Variants in ZFHX3 observed in about 807,000 individuals in gnomAD.
ZFHX3 encodes zinc finger homeobox protein 3.
A neutral mutation model predicts 279.1 loss-of-function variants in ZFHX3; 42 were observed. The observed-to-expected ratio is 0.15, with a 90% CI of 0.12 to 0.19. The LOEUF (loss-of-function observed/expected upper bound fraction) is 0.19. Among genes scored for constraint, ZFHX3 ranks in the 10% least tolerant of loss-of-function variants. The pLI, the probability that ZFHX3 is intolerant of heterozygous loss-of-function variation, is 1.00. For synonymous variants in ZFHX3, 2,293 were observed against 1,957.8 expected (o/e 1.17, Z -4.52); for missense variants, 4,981 against 4,754.0 (o/e 1.05, Z -1.40).
At chr16:73,332,229 A>G (rs76855025) in intron 3 of ZFHX3, among the ~76,000 whole-genome samples, 3,398 of 152,330 alleles carry the variant, frequency 0.022, 127 homozygotes, top group African/African-American at 0.078. Context: ...GCTATTAAAC[A>G]AGTAGGAAGT....
At chr16:73,411,913 G>C (rs142621567) in intron 3 of ZFHX3, among the ~76,000 whole-genome samples, 2 of 152,272 alleles carry the variant, frequency 1.3e-5, no homozygotes, top group Admixed American at 6.5e-5. Context: ...TCCATGTGTG[G>C]AAATAAGTCT....
At chr16:73,598,759 T>C (rs1433594599) in intron 2 of ZFHX3, among the ~76,000 whole-genome samples, 2 of 151,840 alleles carry the variant, frequency 1.3e-5, no homozygotes, top group African/African-American at 4.8e-5. Context: ...TCAAATACTC[T>C]CTTTTTTGTT....
At chr16:72,951,667 A>ATTT (rs1469317196) in intron 2 of ZFHX3, among the ~76,000 whole-genome samples, 7 of 152,212 alleles carry the variant, frequency 4.6e-5, no homozygotes, top group Non-Finnish European at 8.8e-5. Flanking sequence ...ACCTTCCAAA[A>ATTT]TTGGAAATGA....
intron 1 of ZFHX3, among the ~76,000 whole-genome samples, chr16:72,982,147 C>T (rs963918331): frequency 3.2e-4 from 49 of 152,226 alleles, no homozygotes; most frequent in African/African-American, 1.1e-3. Context: ...CCTCCCAAAG[C>T]GCTGTGATTA....
In ZFHX3 at chr16:73,509,337, C is replaced by T. The variant is rs531821780; in HGVS notation, c.-1546-53079G>A. Among the ~76,000 whole-genome samples, 58 of 152,050 alleles carry T rather than the reference C, an allele frequency of 3.8e-4. No individual in the cohort carries two copies. In the South Asian group the frequency reaches 0.012, roughly 31 times the overall value. Reference sequence around the variant, plus strand: ...TCTCTTCTTCACTATGTTTCCCTACCAACTTCCCTTCTCCCCCTCCACCCC... The same window carrying T: ...TCTCTTCTTCACTATGTTTCCCTACTAACTTCCCTTCTCCCCCTCCACCCC... On this transcript the variant is annotated intron_variant, in intron 2 of 17. Transcript: ENST00000641206.
chr16:73,770,728 G>T (rs1193941492), intron 1 of ZFHX3, among the ~76,000 whole-genome samples: 1 of 152,168 alleles, frequency 6.6e-6, no homozygotes, highest in Non-Finnish European at 1.5e-5. Flanking sequence ...CCAATGAATT[G>T]TCTTCTGCAC....
intron 4 of ZFHX3, among the ~76,000 whole-genome samples, chr16:72,873,075 CA>C (rs2038205463): frequency 6.6e-6 from 1 of 152,200 alleles, no homozygotes; most frequent in African/African-American, 2.4e-5. Context: ...CTCGAAGGCC[CA>C]GAGTATTTAC....
At chr16:73,432,126 G>A (rs1457032117) in intron 3 of ZFHX3, among the ~76,000 whole-genome samples, 1 of 152,176 alleles carries the variant, frequency 6.6e-6, no homozygotes, top group African/African-American at 2.4e-5. Flanking sequence ...CTAAGCACAA[G>A]AAATAGAGTC....
intron 3 of ZFHX3, among the ~76,000 whole-genome samples, chr16:73,331,606 G>GAGT (rs1329417532): frequency 2.0e-5 from 3 of 152,158 alleles, no homozygotes; most frequent in Non-Finnish European, 4.4e-5. Flanking sequence ...CAGTTAAGAG[G>GAGT]AGTAACTCAT....
intron 1 of ZFHX3, among the ~76,000 whole-genome samples, chr16:73,879,443 G>A (rs1426488086): frequency 1.3e-5 from 2 of 151,840 alleles, no homozygotes; most frequent in East Asian, 1.9e-4. Flanking sequence ...CATTTCCACC[G>A]GCATGTCCTT....
intron 1 of ZFHX3, among the ~76,000 whole-genome samples, chr16:73,777,289 G>C (rs767517693): frequency 3.9e-5 from 6 of 152,002 alleles, no homozygotes; most frequent in Non-Finnish European, 7.4e-5. Context: ...GGATCATGAG[G>C]TCAGGAGTTC....
intron 3 of ZFHX3, among the ~76,000 whole-genome samples, chr16:73,356,265 C>T (rs942766621): frequency 2.0e-5 from 3 of 152,116 alleles, no homozygotes; most frequent in African/African-American, 4.8e-5. Flanking sequence ...CAGCCTGGTA[C>T]GGCTGGCCCG....
At chr16:73,671,391 T>C (rs1164536672) in intron 2 of ZFHX3, among the ~76,000 whole-genome samples, 5 of 152,046 alleles carry the variant, frequency 3.3e-5, no homozygotes, top group African/African-American at 1.2e-4. Flanking sequence ...CGGCCGGAGC[T>C]GAGATGAGCA....
chr16:72,958,578 A>G lies in ZFHX3; in HGVS notation c.1568T>C (p.Leu523Pro). 6.2e-7 allele frequency: 1 copy of G among 1,614,078 alleles called. No individual in the cohort carries two copies. The highest frequency in any genetic ancestry group is 1.1e-5 in the South Asian group (1 of 91,070). ...AAAGSSSKKD[L>P]ALSNQSISNS... Reference sequence around the variant, plus strand: ...AGAAATGCTTTGGTTTGAGAGAGCAAGGTCCTTTTTGCTGCTACTACCTGC... The same window carrying G: ...AGAAATGCTTTGGTTTGAGAGAGCAGGGTCCTTTTTGCTGCTACTACCTGC... The change falls in exon 2 of 10, where the codon CTT becomes CCT. Residue 523 changes from leucine (L) to proline (P), a missense_variant. This residue lies in a region of ZFHX3 where 1,068 missense variants were observed against 935.2 expected (regional missense o/e 1.14). Coordinates refer to ENST00000268489, the MANE Select transcript of ZFHX3 (RefSeq NM_006885.4).
intron 3 of ZFHX3, among the ~76,000 whole-genome samples, chr16:72,900,129 C>G (rs572725030): frequency 7.7e-6 from 1 of 130,564 alleles, no homozygotes; most frequent in South Asian, 2.7e-4. Flanking sequence ...TAAGCCCATG[C>G]CCTTGCCAAA....
At chr16:73,485,608 C>T (rs567435757) in intron 2 of ZFHX3, among the ~76,000 whole-genome samples, 1 of 152,084 alleles carries the variant, frequency 6.6e-6, no homozygotes. Context: ...TTCTCTCTTC[C>T]CTTCTCAGAG....
At chr16:72,864,742 A>C (rs2037971128) in intron 4 of ZFHX3, among the ~76,000 whole-genome samples, 1 of 152,226 alleles carries the variant, frequency 6.6e-6, no homozygotes, top group South Asian at 2.1e-4. Context: ...TTCCAATCCC[A>C]ACAGCTATGG....
intron 4 of ZFHX3, among the ~76,000 whole-genome samples, chr16:72,856,026 G>A (rs2037746347): frequency 6.6e-6 from 1 of 152,220 alleles, no homozygotes; most frequent in Non-Finnish European, 1.5e-5. Context: ...TGTTTAGACT[G>A]CAATTAGAAA....
At chr16:73,546,671 T>TGCTGCTGCTGCTGCTGCTGCTGCTGC (rs2020113754) in intron 2 of ZFHX3, among the ~76,000 whole-genome samples, 1 of 143,412 alleles carries the variant, frequency 7.0e-6, no homozygotes, top group East Asian at 2.1e-4. Flanking sequence ...GGTGCTGCTG[T>TGCTGCTGCTGCTGCTGCTGCTGCTGC]TGCTGCTGCT....
Sources: gnomAD v4.1 joint callset for allele counts (sites outside exome capture counted in the v4.1 genomes callset) on GRCh38, gnomAD v4.1.1 for gene constraint, gnomAD v4.1.1 regional missense constraint, MANE v1.5 for transcripts, NCBI Gene and HGNC (gene_info 2026-07-23, HGNC 2026-07-21) for gene names.